Variants in TMEM117 observed in about 807,000 individuals in gnomAD.
The protein encoded by TMEM117 is transmembrane protein 117.
TMEM117 carries 27 observed loss-of-function variants against 52.4 expected under a neutral mutation model. That is an observed-to-expected ratio of 0.51 (90% CI 0.38 to 0.71). The LOEUF (loss-of-function observed/expected upper bound fraction) is 0.71, where lower values mean the gene tolerates loss of function less well. Ranked by LOEUF, TMEM117 falls within the 30% of genes least tolerant of loss-of-function variation. TMEM117 has a pLI of 0.00. For synonymous variants in TMEM117, 215 were observed against 206.3 expected, an observed-to-expected ratio of 1.04 and a Z score of -0.36; for missense variants, 556 against 630.5, an observed-to-expected ratio of 0.88 and a Z score of 1.26.
At chr12:43,890,285 G>A (rs1944078614) in intron 2 of TMEM117, among the ~76,000 whole-genome samples, 1 of 151,940 alleles carries the variant, frequency 6.6e-6, no homozygotes, top group Admixed American at 6.6e-5. Context: ...AATTCTTTTT[G>A]CAACTTCTGG....
chr12:43,797,833 C>T, the TMEM117 span: 5 of 1,611,330 alleles, frequency 3.1e-6, no homozygotes, highest in Non-Finnish European at 3.4e-6. Context: ...TCAGTCTGTA[C>T]CTAAGTATGA....
chr12:44,264,523 A>T (rs1335056656), intron 5 of TMEM117, among the ~76,000 whole-genome samples: 1 of 152,168 alleles, frequency 6.6e-6, no homozygotes, highest in African/African-American at 2.4e-5. Context: ...TCAGATAAGA[A>T]GAATGTTGAT....
intron 3 of TMEM117, among the ~76,000 whole-genome samples, chr12:44,070,721 C>G (rs1399404631): frequency 1.3e-5 from 2 of 152,300 alleles, no homozygotes; most frequent in Admixed American, 1.3e-4. Context: ...CACTAACTCT[C>G]ATTTATTATA....
chr12:43,868,773 T>G (rs1187287405), intron 2 of TMEM117, among the ~76,000 whole-genome samples: 1 of 152,118 alleles, frequency 6.6e-6, no homozygotes, highest in Non-Finnish European at 1.5e-5. Context: ...TGCTCTGTTT[T>G]TATTGTAAGG....
rs75985485 is a variant in TMEM117 at position 44,177,573 on chromosome 12, C to T, written c.511-33717C>T. ...TGAGCTGGGTATACAAAGGCTGAAACGCTGCATATTTCTTTTTTTATTAGA... is the reference window on the plus strand; with the variant it reads ...TGAGCTGGGTATACAAAGGCTGAAATGCTGCATATTTCTTTTTTTATTAGA... On this transcript the variant is annotated intron_variant, in intron 4 of 7. Transcript: ENST00000266534. Among the ~76,000 whole-genome samples, 570 of 152,192 alleles carry T rather than the reference C, an allele frequency of 3.7e-3. 2 individuals are homozygous for T. Among genetic ancestry groups the T allele is most frequent in the African/African-American group, 0.012 (517 of 41,536 alleles).
intron 4 of TMEM117, among the ~76,000 whole-genome samples, chr12:44,188,667 G>A (rs1386121241): frequency 6.6e-6 from 1 of 151,874 alleles, no homozygotes; most frequent in African/African-American, 2.4e-5. Flanking sequence ...AATAAATTTA[G>A]CCTTACCACC....
chr12:44,387,318 A>G (rs934163206), intron 7 of TMEM117, among the ~76,000 whole-genome samples: 2 of 151,834 alleles, frequency 1.3e-5, no homozygotes, highest in African/African-American at 4.8e-5. Flanking sequence ...AGATCATTAA[A>G]TATTGTATTT....
At chr12:44,364,807 AG>A (rs1487522316) in intron 6 of TMEM117, among the ~76,000 whole-genome samples, 1 of 152,112 alleles carries the variant, frequency 6.6e-6, no homozygotes. Context: ...GTAACATAAA[AG>A]TTTTACCATT....
At chr12:44,226,501 A>ATGTGTGTGTGTGTGTGTGTGTGTGTG (rs56709250) in intron 5 of TMEM117, among the ~76,000 whole-genome samples, 7 of 149,176 alleles carry the variant, frequency 4.7e-5, no homozygotes, top group Non-Finnish European at 8.9e-5. Flanking sequence ...AAATATATAT[A>ATGTGTGTGTGTGTGTGTGTGTGTGTG]TGTGTGTGTG....
At chr12:43,816,457 CCTT>C in the TMEM117 span, among the ~76,000 whole-genome samples, 1 of 152,058 alleles carries the variant, frequency 6.6e-6, no homozygotes, top group Non-Finnish European at 1.5e-5. Flanking sequence ...ACTTTACTCA[CCTT>C]CTGTCCACTA....
intron 6 of TMEM117, among the ~76,000 whole-genome samples, chr12:44,311,881 A>G (rs1012174676): frequency 8.1e-6 from 1 of 123,746 alleles, no homozygotes; most frequent in Non-Finnish European, 1.6e-5. Context: ...ATATATGTAT[A>G]TATGTATATA....
chr12:44,121,382 C>A (rs1203884602), intron 3 of TMEM117, among the ~76,000 whole-genome samples: 1 of 152,188 alleles, frequency 6.6e-6, no homozygotes, highest in South Asian at 2.1e-4. Context: ...CTTTATCCCA[C>A]CTGTGCCACC....
chr12:43,841,745 G>A (rs984947602), intron 1 of TMEM117, among the ~76,000 whole-genome samples: 12 of 152,160 alleles, frequency 7.9e-5, no homozygotes, highest in Non-Finnish European at 1.8e-4. Flanking sequence ...AGCCTCAGAG[G>A]CTCAGATCAC....
chr12:44,053,765 G>A (rs1056686192), intron 3 of TMEM117, among the ~76,000 whole-genome samples: 5 of 152,208 alleles, frequency 3.3e-5, no homozygotes, highest in Admixed American at 1.3e-4. Flanking sequence ...AAGAACTCGG[G>A]ACAAAGGCCA....
At chr12:43,813,465 G>A in the TMEM117 span, among the ~76,000 whole-genome samples, 11 of 151,772 alleles carry the variant, frequency 7.2e-5, no homozygotes, top group East Asian at 7.8e-4. Flanking sequence ...GGCTGGTCTC[G>A]AACTACTGGC....
At chr12:44,114,214 G>A (rs928710318) in intron 3 of TMEM117, among the ~76,000 whole-genome samples, 2 of 151,882 alleles carry the variant, frequency 1.3e-5, no homozygotes, top group Non-Finnish European at 2.9e-5. Flanking sequence ...GTTCCTATTC[G>A]GCCATCTTGG....
rs1176006917 is a variant in TMEM117, at chr12:43,930,153, G to T, written c.278-14057G>T. ...TATCACATCCTAAAGCCTGAACTCT[G>T]CCCATAATTCTTCTACTTTGATGTT... On this transcript the variant is annotated intron_variant, in intron 2 of 7. Transcript: ENST00000266534. 3.3e-5 allele frequency among the ~76,000 whole-genome samples: 5 copies of T among 152,026 alleles called. No individual in the cohort carries two copies. The South Asian group carries it at 6.2e-4, about 19-fold the overall frequency.
Position 44,134,510 on chromosome 12 carries a change from C to T in TMEM117, c.411-9015C>T, listed in dbSNP as rs148571658. Among the ~76,000 whole-genome samples the T allele has an allele frequency of 2.6e-5, 4 of 152,200 alleles. No individual in the cohort carries two copies. The East Asian group carries it at 7.7e-4, about 29-fold the overall frequency. On this transcript the variant is annotated intron_variant, in intron 3 of 7. Coordinates refer to ENST00000266534, the MANE Select transcript of TMEM117 (RefSeq NM_032256.3). ...AGTGCTATTCTAAATTTCAGGACAC[C>T]TGTGAAATTTATATGCGGAAACAGT...
chr12:44,325,981 G>T (rs1432063708), intron 6 of TMEM117, among the ~76,000 whole-genome samples: 1 of 152,160 alleles, frequency 6.6e-6, no homozygotes, highest in East Asian at 1.9e-4. Flanking sequence ...GGCCAACATG[G>T]TGAAACCCCA....
Sources: allele counts gnomAD v4.1 joint callset (sites outside exome capture counted in the v4.1 genomes callset), GRCh38; gene constraint gnomAD v4.1.1; transcripts MANE v1.5; gene names NCBI Gene and HGNC (gene_info 2026-07-23, HGNC 2026-07-21).